Variants in SCAI observed in about 807,000 individuals in gnomAD.
SCAI encodes protein SCAI.
SCAI carries 24 observed loss-of-function variants against 92.2 expected under a neutral mutation model. The ratio of observed to expected loss-of-function variants is 0.26; its 90% CI spans 0.19 to 0.37. The LOEUF is 0.37. Among genes scored for constraint, SCAI ranks in the 10% least tolerant of loss-of-function variants. The pLI, the probability that SCAI is intolerant of heterozygous loss-of-function variation, is 1.00. For synonymous variants in SCAI, 261 were observed against 258.6 expected, an observed-to-expected ratio of 1.01 and a Z score of -0.09; for missense variants, 450 against 736.2, an observed-to-expected ratio of 0.61 and a Z score of 4.50.
In SCAI at chr9:124,944,466, ATTTTTTTTTTTTTTTT is replaced by A. The variant is rs71374207; in HGVS notation, c.*8325_*8340del. 1.2e-5 allele frequency: 1 copy of A among 84,726 alleles called. No homozygotes were observed. Among genetic ancestry groups the A allele is most frequent in the African/African-American group, 4.9e-5 (1 of 20,438 alleles). 5.2% of individuals were successfully genotyped at this position (84,726 alleles called of 1,614,324 possible). A position where few individuals can be genotyped will look rare whatever the true frequency, so the allele number is the denominator to read the frequency against. On this transcript the variant is annotated 3_prime_UTR_variant, in exon 18 of 18. Coordinates refer to ENST00000336505, the MANE Select transcript of SCAI (RefSeq NM_001144877.3). ...AGGCGCACACCACCATGCCTGGCTA[ATTTTTTTTTTTTTTTT>A]TTTTTTTTTGTATTTTAGTAGCGAC...
chr9:125,093,372 AATC>A (rs1327579414), intron 2 of SCAI, among the ~76,000 whole-genome samples: 1 of 152,036 alleles, frequency 6.6e-6, no homozygotes, highest in Non-Finnish European at 1.5e-5. Flanking sequence ...AAAATAAAAA[AATC>A]ATTTCCTCCT....
At chr9:125,130,113 G>A (rs1365246991) in intron 2 of SCAI, among the ~76,000 whole-genome samples, 2 of 151,944 alleles carry the variant, frequency 1.3e-5, no homozygotes, top group African/African-American at 2.4e-5. Context: ...TGGCCAGGCT[G>A]GTTTCGAACT....
At chr9:125,066,074 A>G in intron 2 of SCAI, 1 of 726,012 alleles carries the variant, frequency 1.4e-6, no homozygotes, top group East Asian at 2.5e-5. Context: ...TTGAATAAAG[A>G]AAAAAAGAAA....
intron 2 of SCAI, among the ~76,000 whole-genome samples, chr9:125,118,213 T>C (rs1835090946): frequency 6.6e-6 from 1 of 152,194 alleles, no homozygotes; most frequent in Non-Finnish European, 1.5e-5. Flanking sequence ...ATAAACATAG[T>C]GGAGCCAAGC....
intron 15 of SCAI, among the ~76,000 whole-genome samples, chr9:124,973,724 C>T (rs537460986): frequency 9.2e-5 from 14 of 152,128 alleles, no homozygotes; most frequent in South Asian, 8.3e-4. Context: ...CTTCTCGGGA[C>T]GCTGAGGCAA....
chr9:125,037,930 G>T (rs1320895595), intron 3 of SCAI, among the ~76,000 whole-genome samples: 1 of 151,200 alleles, frequency 6.6e-6, no homozygotes, highest in Admixed American at 6.6e-5. Flanking sequence ...AAAAAAAAAA[G>T]AATTACTTGT....
intron 2 of SCAI, among the ~76,000 whole-genome samples, chr9:125,138,539 T>C (rs1034086987): frequency 6.6e-6 from 1 of 152,068 alleles, no homozygotes; most frequent in Non-Finnish European, 1.5e-5. Flanking sequence ...CTCAGCCTCC[T>C]GAGTAGCTGG....
intron 2 of SCAI, among the ~76,000 whole-genome samples, chr9:125,119,058 C>A (rs1835106877): frequency 1.3e-5 from 2 of 152,162 alleles, no homozygotes; most frequent in Non-Finnish European, 2.9e-5. Context: ...GTAATCCCAG[C>A]ACTTTGAGAG....
chr9:125,092,182 C>A (rs1161059310), intron 2 of SCAI, among the ~76,000 whole-genome samples: 1 of 138,692 alleles, frequency 7.2e-6, no homozygotes, highest in Non-Finnish European at 1.5e-5. Context: ...GGCTTGGCTG[C>A]ACATGGTGGC....
At chr9:124,998,278 C>G (rs1832285936) in intron 13 of SCAI, among the ~76,000 whole-genome samples, 1 of 152,102 alleles carries the variant, frequency 6.6e-6, no homozygotes, top group Non-Finnish European at 1.5e-5. Flanking sequence ...CATGGCGAAA[C>G]CCCATCTCTA....
chr9:125,100,897 G>C (rs1009899591), intron 2 of SCAI, among the ~76,000 whole-genome samples: 2 of 152,312 alleles, frequency 1.3e-5, no homozygotes, highest in South Asian at 2.1e-4. Context: ...TAGCTTGCCT[G>C]ATGTGTTTGA....
chr9:125,032,932 A>G (rs931725057), intron 3 of SCAI, among the ~76,000 whole-genome samples: 1 of 152,144 alleles, frequency 6.6e-6, no homozygotes, highest in Non-Finnish European at 1.5e-5. Context: ...ATATTATTCT[A>G]TCAAGTGCTA....
intron 17 of SCAI, among the ~76,000 whole-genome samples, chr9:124,969,287 CAGAA>C (rs1831605567): frequency 1.3e-5 from 2 of 152,014 alleles, no homozygotes; most frequent in African/African-American, 4.8e-5. Flanking sequence ...CATAATAAAA[CAGAA>C]AGAAATAATA....
At chr9:125,011,123 C>A (rs1041185655) in intron 9 of SCAI, among the ~76,000 whole-genome samples, 4 of 152,194 alleles carry the variant, frequency 2.6e-5, no homozygotes, top group Non-Finnish European at 5.9e-5. Context: ...AAAAGCAGAG[C>A]GCCTCTCCTC....
At chr9:124,964,297 C>T (rs1402353139) in intron 17 of SCAI, among the ~76,000 whole-genome samples, 1 of 152,184 alleles carries the variant, frequency 6.6e-6, no homozygotes, top group Non-Finnish European at 1.5e-5. Flanking sequence ...TGTCTATTAG[C>T]TCTTGAATTT....
chr9:125,119,597 T>C (rs1473899733), intron 2 of SCAI, among the ~76,000 whole-genome samples: 3 of 152,220 alleles, frequency 2.0e-5, no homozygotes, highest in Admixed American at 6.5e-5. Context: ...GTTCAACGTA[T>C]AGTATGATCT....
At chr9:125,122,361 C>T (rs1835172055) in intron 2 of SCAI, among the ~76,000 whole-genome samples, 1 of 151,972 alleles carries the variant, frequency 6.6e-6, no homozygotes, top group Non-Finnish European at 1.5e-5. Flanking sequence ...GAGGTCGAGG[C>T]GGGTGGACCA....
intron 3 of SCAI, among the ~76,000 whole-genome samples, chr9:125,046,251 AT>A (rs1181805219): frequency 1.5e-4 from 19 of 123,734 alleles, no homozygotes; most frequent in African/African-American, 5.6e-4. Flanking sequence ...ATACATATAT[AT>A]ACACATATAT....
intron 2 of SCAI, among the ~76,000 whole-genome samples, chr9:125,139,881 A>G (rs1835625571): frequency 6.6e-6 from 1 of 152,222 alleles, no homozygotes; most frequent in South Asian, 2.1e-4. Flanking sequence ...AAGAAATACA[A>G]TGCAAGTTAA....
Sources: allele counts gnomAD v4.1 joint callset (sites outside exome capture counted in the v4.1 genomes callset), GRCh38; gene constraint gnomAD v4.1.1; transcripts MANE v1.5; gene names NCBI Gene and HGNC (gene_info 2026-07-23, HGNC 2026-07-21).